Variants in STK3 observed in about 807,000 individuals in gnomAD.
The protein encoded by STK3 is serine/threonine kinase 3.
A neutral mutation model predicts 58.0 loss-of-function variants in STK3; 41 were observed. The observed-to-expected ratio is 0.71, with a 90% CI of 0.55 to 0.92. STK3 has a LOEUF of 0.92. Ranked by LOEUF, STK3 falls within the 40% of genes least tolerant of loss-of-function variation. The probability of loss-of-function intolerance (pLI) is 0.00; values close to 1 mark genes in which losing one functional copy is unlikely to be tolerated. For missense variants in STK3, 479 were observed against 602.7 expected, an observed-to-expected ratio of 0.79 and a Z score of 2.15; for synonymous variants, 170 against 191.0, an observed-to-expected ratio of 0.89 and a Z score of 0.91.
chr8:98,838,009 A>T (rs1177766990), intron 3 of STK3, among the ~76,000 whole-genome samples: 1 of 150,348 alleles, frequency 6.7e-6, no homozygotes, highest in Non-Finnish European at 1.5e-5. Context: ...TGGGTGGATC[A>T]CTTGAGGTTA....
At chr8:98,515,021 C>A (rs978928933) in intron 10 of STK3, among the ~76,000 whole-genome samples, 17 of 152,026 alleles carry the variant, frequency 1.1e-4, no homozygotes, top group African/African-American at 4.1e-4. Flanking sequence ...AACTGATGAT[C>A]AGATCCAGAT....
chr8:98,866,284 T>G (rs1837143351), intron 3 of STK3, among the ~76,000 whole-genome samples: 4 of 152,216 alleles, frequency 2.6e-5, no homozygotes, highest in Admixed American at 1.3e-4. Flanking sequence ...GAAAGCCTCT[T>G]ATGTCTAGGG....
chr8:98,452,525 T>C (rs1362236988), downstream of STK3, among the ~76,000 whole-genome samples: 1 of 152,172 alleles, frequency 6.6e-6, no homozygotes, highest in African/African-American at 2.4e-5. Flanking sequence ...CAGGACAATA[T>C]ATACAATGAT....
At chr8:98,635,660 G>T (rs1312632987) in intron 6 of STK3, among the ~76,000 whole-genome samples, 4 of 152,050 alleles carry the variant, frequency 2.6e-5, no homozygotes, top group Non-Finnish European at 4.4e-5. Context: ...TTACTGATCA[G>T]AAACTTGCTA....
At chr8:98,708,275 T>A (rs1826116856) in intron 4 of STK3, among the ~76,000 whole-genome samples, 1 of 152,196 alleles carries the variant, frequency 6.6e-6, no homozygotes, top group Non-Finnish European at 1.5e-5. Context: ...TAATATCTGT[T>A]CTGAAAAAGT....
At chr8:98,759,377 A>T (rs1830484943) in intron 3 of STK3, among the ~76,000 whole-genome samples, 1 of 152,202 alleles carries the variant, frequency 6.6e-6, no homozygotes, top group Admixed American at 6.5e-5. Flanking sequence ...TAGCAGTGGG[A>T]CAGTCAGAAC....
intron 9 of STK3, among the ~76,000 whole-genome samples, chr8:98,536,980 G>C (rs1389594769): frequency 6.6e-6 from 1 of 152,070 alleles, no homozygotes; most frequent in Non-Finnish European, 1.5e-5. Flanking sequence ...AAAAACCTAT[G>C]GCAAAATGCC....
chr8:98,690,085 A>G (rs892449461), intron 6 of STK3, among the ~76,000 whole-genome samples: 1 of 152,168 alleles, frequency 6.6e-6, no homozygotes, highest in African/African-American at 2.4e-5. Context: ...CACGGCCAAC[A>G]TCATACTGAA....
chr8:98,454,381 T>C (rs1478167210), downstream of STK3, among the ~76,000 whole-genome samples: 3 of 152,210 alleles, frequency 2.0e-5, no homozygotes, highest in Non-Finnish European at 4.4e-5. Context: ...CTTATTGTGG[T>C]GACCACAGAT....
chr8:98,914,065 A>C (rs951457696), intron 1 of STK3, among the ~76,000 whole-genome samples: 4 of 152,126 alleles, frequency 2.6e-5, no homozygotes, highest in Admixed American at 6.5e-5. Context: ...CAAAAAAAAA[A>C]ACAAAAACCC....
At chr8:98,860,802 C>A (rs1286649987) in intron 3 of STK3, among the ~76,000 whole-genome samples, 2 of 152,094 alleles carry the variant, frequency 1.3e-5, no homozygotes, top group Admixed American at 1.3e-4. Context: ...TGCCTGTCAT[C>A]CCAACACTTT....
chr8:98,862,695 T>C lies in STK3; in HGVS notation c.110+20952A>G, dbSNP rs577007014. ...ATGCGATTTTAGTTCATGCAATCATTTGAAGAACTGAGAAGGCAGAAAGGA... is the reference window on the plus strand; with the variant it reads ...ATGCGATTTTAGTTCATGCAATCATCTGAAGAACTGAGAAGGCAGAAAGGA... On this transcript the variant is annotated intron_variant, in intron 3 of 12. Coordinates refer to the STK3 transcript ENST00000523601. 2.0e-5 allele frequency among the ~76,000 whole-genome samples: 3 copies of C among 152,304 alleles called. No homozygotes were observed. The East Asian group carries it at 5.8e-4, about 29-fold the overall frequency.
At chr8:98,775,384 T>C (rs1831608305) in intron 1 of STK3, among the ~76,000 whole-genome samples, 1 of 152,152 alleles carries the variant, frequency 6.6e-6, no homozygotes, top group African/African-American at 2.4e-5. Context: ...ATCTTTTCCA[T>C]GCATGCACAG....
At chr8:98,714,478 T>G (rs923555568) in intron 4 of STK3, among the ~76,000 whole-genome samples, 7 of 152,190 alleles carry the variant, frequency 4.6e-5, no homozygotes, top group African/African-American at 1.7e-4. Flanking sequence ...AGCATTTTTA[T>G]ACACCAATAA....
intron 1 of STK3, among the ~76,000 whole-genome samples, chr8:98,789,852 C>T (rs1832694601): frequency 6.6e-6 from 1 of 151,996 alleles, no homozygotes; most frequent in Non-Finnish European, 1.5e-5. Flanking sequence ...CATGGTGAAA[C>T]CCTGTCTCTA....
At chr8:98,563,104 T>C (rs1314465987) in intron 8 of STK3, among the ~76,000 whole-genome samples, 3 of 151,678 alleles carry the variant, frequency 2.0e-5, no homozygotes, top group South Asian at 4.2e-4. Flanking sequence ...CTAAGTAACT[T>C]TGGAGTAAGT....
At chr8:98,586,491 C>T (rs1338542993) in intron 7 of STK3, among the ~76,000 whole-genome samples, 5 of 149,408 alleles carry the variant, frequency 3.3e-5, no homozygotes, top group South Asian at 4.4e-4. Flanking sequence ...CTGCTGGATT[C>T]GGTTTGCCAG....
At chr8:98,346,284 C>CA in the STK3 span, among the ~76,000 whole-genome samples, 525 of 118,118 alleles carry the variant, frequency 4.4e-3, 5 homozygotes, top group African/African-American at 0.011. Flanking sequence ...GACTCCGTCT[C>CA]AAAAAAAAAA....
At chr8:98,402,380 T>C (rs1248552468) in intron 3 of STK3, among the ~76,000 whole-genome samples, 3 of 152,232 alleles carry the variant, frequency 2.0e-5, no homozygotes, top group Admixed American at 2.0e-4. Flanking sequence ...AACACATTCC[T>C]GTGTCCTCTT....
Sources: allele counts gnomAD v4.1 joint callset (sites outside exome capture counted in the v4.1 genomes callset), GRCh38; gene constraint gnomAD v4.1.1; transcripts MANE v1.5; gene names NCBI Gene and HGNC (gene_info 2026-07-23, HGNC 2026-07-21).